The following CACHD1 variants were observed in gnomAD, a reference collection of about 807,000 sequenced individuals.
CACHD1 encodes the protein cache domain containing 1, also known as VWFA and cache domain-containing protein 1.
CACHD1 carries 71 observed loss-of-function variants against 138.7 expected under a neutral mutation model. The observed-to-expected ratio is 0.51, with a 90% confidence interval of 0.42 to 0.62. The LOEUF (loss-of-function observed/expected upper bound fraction) is 0.62. Among genes scored for constraint, CACHD1 ranks in the 20% least tolerant of loss-of-function variants. The probability of loss-of-function intolerance (pLI) is 0.00; values close to 1 mark genes in which losing one functional copy is unlikely to be tolerated. For synonymous variants in CACHD1, 578 were observed against 591.5 expected, an observed-to-expected ratio of 0.98 and a Z score of 0.33; for missense variants, 1,389 against 1,625.3, an observed-to-expected ratio of 0.85 and a Z score of 2.50.
At chr1:64,561,862 A>AG (rs1176271314) in intron 2 of CACHD1, among the ~76,000 whole-genome samples, 2 of 151,036 alleles carry the variant, frequency 1.3e-5, no homozygotes, top group African/African-American at 4.9e-5. Flanking sequence ...TGTCTCCAAA[A>AG]AAAAAAAAAA....
intron 3 of CACHD1, among the ~76,000 whole-genome samples, chr1:64,588,775 T>C (rs1015828954): frequency 2.0e-5 from 3 of 152,220 alleles, no homozygotes; most frequent in African/African-American, 7.2e-5. Flanking sequence ...TATTCTTATT[T>C]TTTTAATTTT....
intron 4 of CACHD1, among the ~76,000 whole-genome samples, chr1:64,608,274 T>C (rs1223794127): frequency 6.6e-6 from 1 of 152,184 alleles, no homozygotes; most frequent in Admixed American, 6.5e-5. Flanking sequence ...TGAGCAGTTA[T>C]TTGTAATATG....
At chr1:64,645,975 A>C (rs1648888923) in intron 8 of CACHD1, among the ~76,000 whole-genome samples, 3 of 152,136 alleles carry the variant, frequency 2.0e-5, no homozygotes, top group Admixed American at 6.6e-5. Context: ...GACCATGTTG[A>C]TAATAGGCAA....
chr1:64,470,901 C>G lies in CACHD1; in HGVS notation c.157C>G (p.Arg53Gly). The G allele has an allele frequency of 6.2e-7, 1 of 1,608,282 alleles. No individual in the cohort carries two copies. The highest frequency in any genetic ancestry group is 1.1e-5 in the South Asian group (1 of 90,170). The change falls in exon 1 of 27, where the codon CGG becomes GGG. Residue 53 changes from arginine to glycine, a missense_variant. Coordinates refer to ENST00000651257, the MANE Select transcript of CACHD1 (RefSeq NM_020925.4). This position sits in a 1 kb window ranked among gnomAD's most constrained non-coding sequence, Gnocchi z 5.2. ...GGCGCAAGTGCTGGCGAGCCAGATG[C>G]GGAGGCTGGCGGCCGAGGAGCTGGG... The part of the protein sequence containing the change: ...DEAQVLASQM[R>G]RLAAEELGVV...
intron 1 of CACHD1, among the ~76,000 whole-genome samples, chr1:64,473,658 G>A (rs1002963152): frequency 2.0e-5 from 3 of 152,104 alleles, no homozygotes; most frequent in Admixed American, 2.0e-4. Context: ...TTTGACCTTG[G>A]CATTTTGAGC....
At chr1:64,669,282 T>C (rs1322760860) in intron 16 of CACHD1, among the ~76,000 whole-genome samples, 1 of 152,214 alleles carries the variant, frequency 6.6e-6, no homozygotes, top group African/African-American at 2.4e-5. Flanking sequence ...AGTACTGTAC[T>C]TAAGAGGTCG....
At chr1:64,578,302 T>C (rs1309161463) in intron 2 of CACHD1, among the ~76,000 whole-genome samples, 1 of 152,208 alleles carries the variant, frequency 6.6e-6, no homozygotes, top group Non-Finnish European at 1.5e-5. Flanking sequence ...AAGGTCCTGG[T>C]AGCTATTAAA....
chr1:64,597,515 T>A (rs1464571208), intron 3 of CACHD1, among the ~76,000 whole-genome samples: 1 of 131,900 alleles, frequency 7.6e-6, no homozygotes, highest in African/African-American at 2.8e-5. Context: ...AGGAAGTTTT[T>A]TTTTTGTTGT....
At chr1:64,570,536 T>C (rs1646918828) in intron 2 of CACHD1, among the ~76,000 whole-genome samples, 1 of 152,104 alleles carries the variant, frequency 6.6e-6, no homozygotes, top group African/African-American at 2.4e-5. Context: ...TAGCGGTGAA[T>C]CCTGCAGCCA....
intron 4 of CACHD1, among the ~76,000 whole-genome samples, chr1:64,624,470 G>A (rs572080390): frequency 6.6e-6 from 1 of 152,170 alleles, no homozygotes; most frequent in Non-Finnish European, 1.5e-5. Flanking sequence ...TTATTAAGGG[G>A]TTGGCAGGGC....
At chr1:64,591,867 C>T (rs1039821261) in intron 3 of CACHD1, among the ~76,000 whole-genome samples, 2 of 152,134 alleles carry the variant, frequency 1.3e-5, no homozygotes, top group Non-Finnish European at 2.9e-5. Context: ...TCTTTATGTA[C>T]TCTCTCATCT....
intron 3 of CACHD1, among the ~76,000 whole-genome samples, chr1:64,595,548 G>A (rs2100564191): frequency 6.6e-6 from 1 of 152,200 alleles, no homozygotes; most frequent in Non-Finnish European, 1.5e-5. Context: ...GCTCTCCCCA[G>A]CCTGTTCTCT....
intron 1 of CACHD1, among the ~76,000 whole-genome samples, chr1:64,475,893 C>T (rs1232999312): frequency 6.6e-6 from 1 of 152,058 alleles, no homozygotes; most frequent in Non-Finnish European, 1.5e-5. Flanking sequence ...TGGAAATAGA[C>T]ACAAAAAGAG....
chr1:64,667,245 C>G (rs184576210), intron 16 of CACHD1, among the ~76,000 whole-genome samples: 11 of 152,252 alleles, frequency 7.2e-5, no homozygotes, highest in Non-Finnish European at 1.5e-4. Flanking sequence ...TGTAATGATG[C>G]CTTAACATTT....
chr1:64,671,957 G>A (rs943932516), intron 17 of CACHD1, among the ~76,000 whole-genome samples: 8 of 152,176 alleles, frequency 5.3e-5, no homozygotes, highest in African/African-American at 1.9e-4. Flanking sequence ...CTGGAAGTCA[G>A]TAATTAGAGG....
chr1:64,525,622 G>A (rs1207372002), intron 1 of CACHD1, among the ~76,000 whole-genome samples: 2 of 152,192 alleles, frequency 1.3e-5, no homozygotes, highest in Non-Finnish European at 2.9e-5. Flanking sequence ...AGGGGACTGG[G>A]TGGCATTTCA....
chr1:64,492,169 T>C (rs1267907846), intron 1 of CACHD1, among the ~76,000 whole-genome samples: 1 of 151,374 alleles, frequency 6.6e-6, no homozygotes, highest in African/African-American at 2.4e-5. Flanking sequence ...AAAATTGTTT[T>C]CATCTAGGTA....
chr1:64,530,776 C>T (rs1324383960), intron 1 of CACHD1, among the ~76,000 whole-genome samples: 3 of 151,406 alleles, frequency 2.0e-5, no homozygotes, highest in Admixed American at 6.6e-5. Context: ...GAGGCTGAGG[C>T]AGGAGAATCA....
In CACHD1 at chr1:64,691,643, C is replaced by T; in HGVS notation, c.*82C>T. 9 of 1,221,984 alleles carry T rather than the reference C, an allele frequency of 7.4e-6. No individual in the cohort carries two copies. Among genetic ancestry groups the T allele is most frequent in the Non-Finnish European group, 1.1e-5 (9 of 844,516 alleles). 75.7% of individuals were successfully genotyped at this position (1,221,984 alleles called of 1,614,324 possible). ...AGAAAAAGAACCGGCTTAAAACCCA[C>T]AGCAAGAGACCTCCCTTGTGTTTGT... On this transcript the variant is annotated 3_prime_UTR_variant, in exon 27 of 27. Transcript: ENST00000651257.
Sources: allele counts gnomAD v4.1 joint callset (sites outside exome capture counted in the v4.1 genomes callset), GRCh38; gene constraint gnomAD v4.1.1; non-coding constraint Gnocchi (gnomAD v3.1); transcripts MANE v1.5; gene names NCBI Gene and HGNC (gene_info 2026-07-23, HGNC 2026-07-21).